The following DOCK3 variants were observed in gnomAD, a reference collection of about 807,000 sequenced individuals.
DOCK3 encodes dedicator of cytokinesis protein 3.
In DOCK3, 60 loss-of-function variants were observed where a neutral mutation model predicts 265.6. The ratio of observed to expected loss-of-function variants is 0.23; its 90% CI spans 0.18 to 0.28. The LOEUF (loss-of-function observed/expected upper bound fraction) is 0.28, where lower values mean the gene tolerates loss of function less well. Among genes scored for constraint, DOCK3 ranks in the 10% least tolerant of loss-of-function variants. DOCK3 has a pLI of 1.00. For synonymous variants in DOCK3, 881 were observed against 938.0 expected, an observed-to-expected ratio of 0.94 and a Z score of 1.11; for missense variants, 1,981 against 2,594.3, an observed-to-expected ratio of 0.76 and a Z score of 5.14.
At chr3:51,242,009 A>G (rs967901598) in intron 21 of DOCK3, among the ~76,000 whole-genome samples, 2 of 152,258 alleles carry the variant, frequency 1.3e-5, no homozygotes, top group African/African-American at 4.8e-5. Context: ...TTGAGTTGCC[A>G]GGGTCCTTGT....
intron 27 of DOCK3, among the ~76,000 whole-genome samples, chr3:51,283,581 T>G (rs894921023): frequency 2.6e-5 from 4 of 152,158 alleles, no homozygotes; most frequent in African/African-American, 9.7e-5. Context: ...TCTTACTGAC[T>G]TAGACTGGGG....
intron 4 of DOCK3, among the ~76,000 whole-genome samples, chr3:50,913,354 TCTTTC>T (rs1403504207): frequency 1.3e-5 from 2 of 151,954 alleles, no homozygotes; most frequent in Non-Finnish European, 1.5e-5. Flanking sequence ...GTCTTCCCAC[TCTTTC>T]CTTTCCTTAA....
intron 5 of DOCK3, among the ~76,000 whole-genome samples, chr3:51,039,665 T>A (rs1014511196): frequency 6.6e-6 from 1 of 152,144 alleles, no homozygotes; most frequent in African/African-American, 2.4e-5. Flanking sequence ...TTCTTTTGGG[T>A]TTGTTTTTTC....
chr3:51,264,116 C>T (rs1430732252), intron 23 of DOCK3, among the ~76,000 whole-genome samples: 3 of 152,236 alleles, frequency 2.0e-5, no homozygotes, highest in Admixed American at 6.5e-5. Context: ...ATACATTCTT[C>T]TCAGCACCAC....
chr3:51,061,793 C>T (rs1396176448), intron 5 of DOCK3, among the ~76,000 whole-genome samples: 1 of 152,126 alleles, frequency 6.6e-6, no homozygotes, highest in Non-Finnish European at 1.5e-5. Flanking sequence ...CCTCTCACCT[C>T]ACTGCTTACT....
intron 48 of DOCK3, 73 bp downstream of exon 48, chr3:51,362,070 G>A: frequency 6.7e-7 from 1 of 1,503,134 alleles, no homozygotes; most frequent in Middle Eastern, 1.8e-4. Flanking sequence ...GCAATGTCTA[G>A]TCTGAGGGCT....
intron 1 of DOCK3, among the ~76,000 whole-genome samples, chr3:50,773,332 A>G (rs1416438771): frequency 2.6e-5 from 4 of 152,126 alleles, no homozygotes; most frequent in African/African-American, 9.6e-5. Context: ...CTATAAAACT[A>G]CTAGAGGAAA....
At chr3:51,312,388 G>A (rs2083122806) in intron 29 of DOCK3, 88 bp from the exon 30 acceptor site, 2 of 1,131,028 alleles carry the variant, frequency 1.8e-6, no homozygotes, top group African/African-American at 1.6e-5. Context: ...TGTAAAATGG[G>A]TTCTATGCTA....
At chr3:50,844,756 A>G (rs942729569) in intron 3 of DOCK3, among the ~76,000 whole-genome samples, 1 of 152,208 alleles carries the variant, frequency 6.6e-6, no homozygotes, top group Non-Finnish European at 1.5e-5. Flanking sequence ...TGATTTTCAG[A>G]ATGATACTTT....
chr3:51,218,570 C>T (rs774421966), intron 14 of DOCK3, among the ~76,000 whole-genome samples: 2 of 152,138 alleles, frequency 1.3e-5, no homozygotes, highest in South Asian at 4.1e-4. Context: ...AAAGTCTGTA[C>T]CCTGTAGTCA....
chr3:51,028,774 T>C (rs2079921174), intron 5 of DOCK3, among the ~76,000 whole-genome samples: 10 of 152,210 alleles, frequency 6.6e-5, no homozygotes. Flanking sequence ...TTCTGTTTGG[T>C]TCTTTTTTTA....
At chr3:50,757,040 A>G (rs921071036) in intron 1 of DOCK3, among the ~76,000 whole-genome samples, 1 of 151,800 alleles carries the variant, frequency 6.6e-6, no homozygotes, top group Admixed American at 6.6e-5. Context: ...TTTCATAGAG[A>G]CAGGGTTTTG....
chr3:50,977,463 A>T (rs2077497712), intron 5 of DOCK3, among the ~76,000 whole-genome samples: 1 of 152,098 alleles, frequency 6.6e-6, no homozygotes, highest in Non-Finnish European at 1.5e-5. Context: ...AGAATGTTGA[A>T]TATTGGCCCC....
rs777504316 is a variant in DOCK3 at position 51,225,701 on chromosome 3, A to G, written c.1305A>G (p.Arg435=). The G allele has an allele frequency of 1.2e-6, 2 of 1,613,742 alleles. No individual in the cohort carries two copies. Among genetic ancestry groups the G allele is most frequent in the Admixed American group, 3.3e-5 (2 of 60,000 alleles). The change falls in exon 15 of 53, where the codon AGA becomes AGG. Residue 435 remains arginine (R), a synonymous_variant. Transcript: ENST00000266037. ...CCCTGGAGAAGGGGGATTTCGAGAG[A>G]GGAGGAAAGAGTGTACAAAAGAATA... ...YLTLEKGDFE[R]GGKSVQKNIE...
chr3:51,166,354 G>A (rs1284735583), intron 12 of DOCK3, among the ~76,000 whole-genome samples: 1 of 152,012 alleles, frequency 6.6e-6, no homozygotes, highest in Non-Finnish European at 1.5e-5. Flanking sequence ...CCTGGCCTAT[G>A]TATATTCTTT....
At chr3:50,733,788 A>ATT (rs34280224) in intron 1 of DOCK3, among the ~76,000 whole-genome samples, 22 of 150,232 alleles carry the variant, frequency 1.5e-4, no homozygotes, top group South Asian at 4.2e-4. Flanking sequence ...TTGTTGTTCT[A>ATT]TTTTTTTTTC....
intron 9 of DOCK3, among the ~76,000 whole-genome samples, chr3:51,127,724 C>T (rs1051376935): frequency 1.3e-5 from 2 of 152,202 alleles, no homozygotes. Context: ...CTACCTTCTT[C>T]TACTACCCAT....
chr3:51,179,974 G>T (rs1279513163), intron 12 of DOCK3, among the ~76,000 whole-genome samples: 1 of 151,942 alleles, frequency 6.6e-6, no homozygotes, highest in Non-Finnish European at 1.5e-5. Flanking sequence ...TTGGGAGGCC[G>T]AGGTGGGTGG....
At chr3:50,709,210 T>C (rs912883904) in intron 1 of DOCK3, among the ~76,000 whole-genome samples, 1 of 152,232 alleles carries the variant, frequency 6.6e-6, no homozygotes, top group Non-Finnish European at 1.5e-5. Context: ...TGCTAATTTA[T>C]AGAAATACAC....
Sources: gnomAD v4.1 joint callset for allele counts (sites outside exome capture counted in the v4.1 genomes callset) on GRCh38, gnomAD v4.1.1 for gene constraint, MANE v1.5 for transcripts, NCBI Gene and HGNC (gene_info 2026-07-23, HGNC 2026-07-21) for gene names.